The following GRIN2D variants were observed in gnomAD, a reference collection of about 807,000 sequenced individuals.
The protein encoded by GRIN2D is glutamate receptor ionotropic, NMDA 2D.
GRIN2D carries 37 observed loss-of-function variants against 103.2 expected under a neutral mutation model. That is an observed-to-expected ratio of 0.36 (90% CI 0.28 to 0.47). GRIN2D has a LOEUF of 0.47. GRIN2D is among the 20% of genes least tolerant of loss of function. The probability of loss-of-function intolerance (pLI) is 1.00; values close to 1 mark genes in which losing one functional copy is unlikely to be tolerated. For synonymous variants in GRIN2D, 845 were observed against 885.6 expected, an observed-to-expected ratio of 0.95 and a Z score of 0.81; for missense variants, 1,557 against 1,910.6, an observed-to-expected ratio of 0.81 and a Z score of 3.45.
chr19:48,399,007 G>C, intron 3 of GRIN2D, 150 bp downstream of exon 3: 4 of 750,456 alleles, frequency 5.3e-6, no homozygotes, highest in Non-Finnish European at 1.9e-6. Flanking sequence ...CCAGATGGTA[G>C]GCAGGGCTTA....
chr19:48,411,327 A>AATT (rs1970857095), intron 4 of GRIN2D, among the ~76,000 whole-genome samples: 1 of 16,460 alleles, frequency 6.1e-5, no homozygotes, highest in Non-Finnish European at 9.5e-5. Flanking sequence ...CCCGTCTCAA[A>AATT]ATAATAATAA....
At chr19:48,404,281 G>A (rs1970754566) in intron 3 of GRIN2D, among the ~76,000 whole-genome samples, 2 of 151,428 alleles carry the variant, frequency 1.3e-5, no homozygotes, top group Non-Finnish European at 2.9e-5. Context: ...TTCCTGATTG[G>A]AGGTGGCTTT....
rs1306333493 is a variant in GRIN2D, at chr19:48,405,447, T to G, written c.1085+94T>G. 1 of 1,248,432 alleles carries G rather than the reference T, an allele frequency of 8.0e-7. No individual in the cohort carries two copies. The highest frequency in any genetic ancestry group is 1.1e-6 in the Non-Finnish European group (1 of 937,278). The allele number at this position is 1,248,432 out of a possible 1,614,324, so 77.3% of individuals were successfully genotyped here. A position where few individuals can be genotyped will look rare whatever the true frequency, so the allele number is the denominator to read the frequency against. On this transcript the variant is annotated intron_variant, in intron 4 of 13. Coordinates refer to ENST00000263269, the MANE Select transcript of GRIN2D (RefSeq NM_000836.4). The surrounding 1 kb of genome is among the most constrained non-coding windows in gnomAD (Gnocchi z 5.1). ...ATGAGTGGCTCAAATGGGCCACATC[T>G]GCTCTTTGAGCCTCAGTTTTCTTTT...
At chr19:48,408,488 G>T (rs1970818066) in intron 4 of GRIN2D, among the ~76,000 whole-genome samples, 1 of 151,892 alleles carries the variant, frequency 6.6e-6, no homozygotes, top group African/African-American at 2.4e-5. Context: ...AACAAAGTGA[G>T]ACCCTGTCTC....
chr19:48,429,042 A>T (rs143367485), intron 11 of GRIN2D, among the ~76,000 whole-genome samples: 1 of 152,138 alleles, frequency 6.6e-6, no homozygotes, highest in African/African-American at 2.4e-5. Flanking sequence ...TAGAAGCTTC[A>T]TGATTCACAA....
intron 11 of GRIN2D, among the ~76,000 whole-genome samples, chr19:48,436,121 G>A (rs1211418324): frequency 6.6e-6 from 1 of 152,162 alleles, no homozygotes; most frequent in Admixed American, 6.6e-5. Flanking sequence ...GTCTGCAATG[G>A]AAAAAGAGTC....
intron 4 of GRIN2D, among the ~76,000 whole-genome samples, chr19:48,409,978 T>A (rs901630000): frequency 2.7e-5 from 4 of 149,450 alleles, no homozygotes; most frequent in Non-Finnish European, 5.9e-5. Flanking sequence ...AGAGACGGGG[T>A]TTCACCATGT....
Position 48,442,576 on chromosome 19 carries a change from C to G in GRIN2D, c.2674-24C>G. On this transcript the variant is annotated intron_variant, in intron 13 of 13. Transcript: ENST00000263269. This position sits in a 1 kb window ranked among gnomAD's most constrained non-coding sequence, Gnocchi z 7.2. ...GCGTCCTGGGCATCTCGCGCTGACC[C>G]CCGTCCTGTCCCCGGACCCGCAGGG... 1 of 1,491,724 alleles carries G rather than the reference C, an allele frequency of 6.7e-7. No individual in the cohort carries two copies. The highest frequency in any genetic ancestry group is 8.9e-7 in the Non-Finnish European group (1 of 1,127,656). 92.4% of individuals were successfully genotyped at this position (1,491,724 alleles called of 1,614,324 possible).
chr19:48,425,997 C>T (rs1465561926), intron 11 of GRIN2D, among the ~76,000 whole-genome samples: 6 of 152,122 alleles, frequency 3.9e-5, no homozygotes, highest in Non-Finnish European at 2.9e-5. Context: ...GTCCTCTAAA[C>T]AGAATCAAAC....
intron 11 of GRIN2D, among the ~76,000 whole-genome samples, chr19:48,441,203 A>G (rs2147474197): frequency 6.6e-6 from 1 of 151,950 alleles, no homozygotes; most frequent in African/African-American, 2.4e-5. Context: ...TCTCTACTAA[A>G]AATGCAAAAA....
At chr19:48,423,376 C>T (rs928855223) in intron 11 of GRIN2D, among the ~76,000 whole-genome samples, 17 of 152,134 alleles carry the variant, frequency 1.1e-4, no homozygotes, top group African/African-American at 4.1e-4. Context: ...CAAATAGACC[C>T]GATTCCTAGG....
At chr19:48,403,277 G>A (rs1805758362) in intron 3 of GRIN2D, among the ~76,000 whole-genome samples, 1 of 151,368 alleles carries the variant, frequency 6.6e-6, no homozygotes, top group South Asian at 2.1e-4. Flanking sequence ...ACTGAGGACA[G>A]GAGCCATTAA....
intron 3 of GRIN2D, among the ~76,000 whole-genome samples, chr19:48,400,505 T>C (rs1314363301): frequency 6.6e-6 from 1 of 152,178 alleles, no homozygotes; most frequent in Non-Finnish European, 1.5e-5. Context: ...TAACTGCCAC[T>C]TCCAAGGCAT....
intron 11 of GRIN2D, among the ~76,000 whole-genome samples, chr19:48,436,587 T>C (rs1971234491): frequency 6.6e-6 from 1 of 152,216 alleles, no homozygotes; most frequent in Non-Finnish European, 1.5e-5. Context: ...AGGGCTAGTA[T>C]CGATTTTGTT....
At chr19:48,427,683 T>C (rs1032715076) in intron 11 of GRIN2D, among the ~76,000 whole-genome samples, 1 of 151,854 alleles carries the variant, frequency 6.6e-6, no homozygotes, top group Non-Finnish European at 1.5e-5. Context: ...TTCACCATCT[T>C]GGCCAGGTTG....
rs1971310947 is a variant in GRIN2D at position 48,442,584 on chromosome 19, G to A, written c.2674-16G>A. On this transcript the variant is annotated splice_polypyrimidine_tract_variant and intron_variant, in intron 13 of 13. Coordinates refer to ENST00000263269, the MANE Select transcript of GRIN2D (RefSeq NM_000836.4). This position sits in a 1 kb window ranked among gnomAD's most constrained non-coding sequence, Gnocchi z 7.2. ...GGCATCTCGCGCTGACCCCCGTCCT[G>A]TCCCCGGACCCGCAGGGCATGTACA... is the stretch of plus-strand genomic sequence containing the variant. 3 of 1,496,266 alleles carry A rather than the reference G, an allele frequency of 2.0e-6. No individual in the cohort carries two copies. The highest frequency in any genetic ancestry group is 2.7e-6 in the Non-Finnish European group (3 of 1,129,730). The allele number at this position is 1,496,266 out of a possible 1,614,324, so 92.7% of individuals were successfully genotyped here. A position where few individuals can be genotyped will look rare whatever the true frequency, so the allele number is the denominator to read the frequency against.
Position 48,443,696 on chromosome 19 carries a change from C to T in GRIN2D, c.3770C>T (p.Ala1257Val), listed in dbSNP as rs1436580671. 1 of 1,249,820 alleles carries T rather than the reference C, an allele frequency of 8.0e-7. No individual in the cohort carries two copies. The highest frequency in any genetic ancestry group is 1.0e-6 in the Non-Finnish European group (1 of 1,001,014). 77.4% of individuals were successfully genotyped at this position (1,249,820 alleles called of 1,614,324 possible). The change falls in exon 14 of 14, where the codon GCT becomes GTT. Residue 1257 changes from alanine to valine, a missense_variant. By Grantham distance (64) the Ala-to-Val change is moderately conservative (BLOSUM62 0). Transcript: ENST00000263269. This position sits in a 1 kb window ranked among gnomAD's most constrained non-coding sequence, Gnocchi z 8.9. ...APHHHRHRRA[A>V]GGWDLPPPAP... ...CACCACCACAGGCACCGGCGCGCCG[C>T]TGGGGGCTGGGACCTCCCGCCGCCC...
At chr19:48,410,783 G>A (rs1019288658) in intron 4 of GRIN2D, among the ~76,000 whole-genome samples, 11 of 152,086 alleles carry the variant, frequency 7.2e-5, no homozygotes, top group Non-Finnish European at 7.4e-5. Context: ...AGGGCTGTGG[G>A]GAGGCACAGA....
chr19:48,423,555 A>C (rs1398778473), intron 11 of GRIN2D, among the ~76,000 whole-genome samples: 1 of 152,064 alleles, frequency 6.6e-6, no homozygotes, highest in Non-Finnish European at 1.5e-5. Context: ...GAGGTGAAAG[A>C]GCTAGCCAGG....
Sources: allele counts gnomAD v4.1 joint callset (sites outside exome capture counted in the v4.1 genomes callset), GRCh38; gene constraint gnomAD v4.1.1; non-coding constraint Gnocchi (gnomAD v3.1); transcripts MANE v1.5; gene names NCBI Gene and HGNC (gene_info 2026-07-23, HGNC 2026-07-21).